HHLA2: variants seen among roughly 807,000 people sequenced by gnomAD.
HHLA2 encodes the protein HERV-H LTR-associating protein 2.
HHLA2 carries 48 observed loss-of-function variants against 45.9 expected under a neutral mutation model. The observed-to-expected ratio is 1.05, with a 90% confidence interval of 0.83 to 1.33. The LOEUF is 1.33. Ranked by LOEUF, HHLA2 falls within the 40% of genes most tolerant of loss-of-function variation. HHLA2 has a pLI of 0.00. For synonymous variants in HHLA2, 161 were observed against 173.9 expected, an observed-to-expected ratio of 0.93 and a Z score of 0.59; for missense variants, 462 against 494.3, an observed-to-expected ratio of 0.93 and a Z score of 0.62.
intron 3 of HHLA2, among the ~76,000 whole-genome samples, chr3:108,348,718 A>G (rs1370070690): frequency 1.5e-4 from 23 of 151,968 alleles, no homozygotes; most frequent in Admixed American, 1.5e-3. Context: ...TTACATAGGT[A>G]TACAGGTGCC....
At chr3:108,375,754 G>C in exon 9 of HHLA2, 24 of 1,610,748 alleles carry the variant, frequency 1.5e-5, no homozygotes, top group Non-Finnish European at 2.0e-5. Flanking sequence ...CTACAGCCCA[G>C]CTAGAAGCCA....
intron 3 of HHLA2, among the ~76,000 whole-genome samples, chr3:108,350,675 A>G (rs1454426759): frequency 1.3e-5 from 2 of 151,938 alleles, no homozygotes; most frequent in East Asian, 1.9e-4. Context: ...TATCTTTTTT[A>G]TTTATTTTAT....
chr3:108,309,989 C>A (rs62266178), intron 1 of HHLA2, among the ~76,000 whole-genome samples: 1 of 151,908 alleles, frequency 6.6e-6, no homozygotes, highest in Non-Finnish European at 1.5e-5. Context: ...ATTTTTTATT[C>A]TTTGGGTTAT....
exon 5 of HHLA2, chr3:108,353,520 T>C: frequency 6.2e-7 from 1 of 1,612,636 alleles, no homozygotes; most frequent in Non-Finnish European, 8.5e-7. Flanking sequence ...CCTTCTTCAT[T>C]TGAGAGGGGA....
chr3:108,315,931 A>C (rs1328233811), intron 2 of HHLA2, among the ~76,000 whole-genome samples: 2 of 152,186 alleles, frequency 1.3e-5, no homozygotes, highest in East Asian at 3.8e-4. Context: ...GAATATATTT[A>C]GTCATCTAAC....
At chr3:108,297,431 A>G (rs2080778315) in intron 1 of HHLA2, among the ~76,000 whole-genome samples, 1 of 152,210 alleles carries the variant, frequency 6.6e-6, no homozygotes, top group African/African-American at 2.4e-5. Context: ...CTCTAGAGTC[A>G]AGTAATCCTT....
chr3:108,296,701 G>GA (rs1233347768), intron 1 of HHLA2, 102 bp downstream of exon 1: 4 of 152,130 alleles, frequency 2.6e-5, no homozygotes, highest in Non-Finnish European at 4.4e-5. Context: ...TTCCCGTTAG[G>GA]AAAAAATTAG....
At chr3:108,340,075 T>C (rs2107413185) in intron 3 of HHLA2, among the ~76,000 whole-genome samples, 1 of 152,044 alleles carries the variant, frequency 6.6e-6, no homozygotes, top group African/African-American at 2.4e-5. Context: ...TGTTACTCAG[T>C]GTGTGGGAGC....
chr3:108,312,159 C>T (rs1021996503), intron 2 of HHLA2, among the ~76,000 whole-genome samples: 1 of 152,196 alleles, frequency 6.6e-6, no homozygotes, highest in East Asian at 1.9e-4. Context: ...TCTAATCCCC[C>T]CAGACGGTCC....
chr3:108,342,515 T>C (rs920184906), intron 3 of HHLA2, among the ~76,000 whole-genome samples: 1 of 152,128 alleles, frequency 6.6e-6, no homozygotes, highest in Non-Finnish European at 1.5e-5. Context: ...TCCACCCACC[T>C]CTGCCTCCCA....
At chr3:108,345,571 T>A (rs1222178345) in intron 3 of HHLA2, among the ~76,000 whole-genome samples, 1 of 152,152 alleles carries the variant, frequency 6.6e-6, no homozygotes, top group Non-Finnish European at 1.5e-5. Flanking sequence ...CCAGCCCCAA[T>A]TTCCAAATGT....
At chr3:108,362,299 T>C (rs62266246) in intron 7 of HHLA2, 43 bp from the exon 7 acceptor site, 82,137 of 1,441,356 alleles carry the variant, frequency 0.057, 2,820 homozygotes, top group African/African-American at 0.14. Flanking sequence ...TCTGGTAATT[T>C]TTCTTCCAGT....
intron 2 of HHLA2, among the ~76,000 whole-genome samples, chr3:108,324,668 C>T (rs1245388094): frequency 6.6e-6 from 1 of 152,148 alleles, no homozygotes; most frequent in African/African-American, 2.4e-5. Flanking sequence ...GGTGTACATC[C>T]TTAAACAGTA....
chr3:108,304,806 G>C lies in HHLA2; in HGVS notation c.-191-5849G>C, dbSNP rs142108393. ...GTTAGGGTACTTGTCCATGTTGCTA[G>C]TCTTGGGGGTACAGCATCATTCTTG... On this transcript the variant is annotated intron_variant, in intron 1 of 10. Coordinates refer to ENST00000619531, the Ensembl canonical transcript of HHLA2. Among the ~76,000 whole-genome samples, 70 of 152,318 alleles carry C rather than the reference G, an allele frequency of 4.6e-4. 1 individual carries two copies. The highest frequency in any genetic ancestry group is 1.6e-4 in the Non-Finnish European group (11 of 68,020).
At chr3:108,336,809 A>T (rs1158324398) in intron 3 of HHLA2, among the ~76,000 whole-genome samples, 1 of 152,116 alleles carries the variant, frequency 6.6e-6, no homozygotes, top group Non-Finnish European at 1.5e-5. Flanking sequence ...CATTAAAAAA[A>T]AAAATGAGGG....
chr3:108,309,023 A>T (rs1368384664), intron 1 of HHLA2, among the ~76,000 whole-genome samples: 1 of 151,986 alleles, frequency 6.6e-6, no homozygotes, highest in Non-Finnish European at 1.5e-5. Context: ...ATGTGATCCC[A>T]TTTGTCCATT....
rs1296108081 is a variant in HHLA2, at chr3:108,377,445, A to ATACTT, written c.*169_*173dup. ...TGGTATCACATTTATTTTTCAAGAC[A>ATACTT]TACTTTTCAAGACATCATTCACTGA... On this transcript the variant is annotated 3_prime_UTR_variant, in exon 11 of 11. Coordinates refer to ENST00000619531, the Ensembl canonical transcript of HHLA2. The ATACTT allele has an allele frequency of 1.7e-5, 10 of 604,072 alleles. No homozygotes were observed. The South Asian group carries it at 1.8e-4, about 11-fold the overall frequency. The allele number at this position is 604,072 out of a possible 1,614,324, so 37.4% of individuals were successfully genotyped here.
chr3:108,343,518 T>C (rs1160893759), intron 3 of HHLA2, among the ~76,000 whole-genome samples: 1 of 152,208 alleles, frequency 6.6e-6, no homozygotes, highest in Non-Finnish European at 1.5e-5. Flanking sequence ...GCAGTCTATT[T>C]TAAAGTATCA....
At chr3:108,318,733 A>G (rs2081146079) in intron 2 of HHLA2, among the ~76,000 whole-genome samples, 1 of 152,284 alleles carries the variant, frequency 6.6e-6, no homozygotes, top group African/African-American at 2.4e-5. Flanking sequence ...CTACCCACAT[A>G]TATTTTGCCT....
Sources: allele counts gnomAD v4.1 joint callset (sites outside exome capture counted in the v4.1 genomes callset), GRCh38; gene constraint gnomAD v4.1.1; transcripts MANE v1.5; gene names NCBI Gene and HGNC (gene_info 2026-07-23, HGNC 2026-07-21).